LUZP2: variants seen among roughly 807,000 people sequenced by gnomAD.
The protein encoded by LUZP2 is leucine zipper protein 2.
Under a neutral mutation model 51.6 loss-of-function variants are expected in LUZP2, and 52 were observed. That is an observed-to-expected ratio of 1.01 (90% CI 0.81 to 1.27). The LOEUF (loss-of-function observed/expected upper bound fraction) is 1.27. LUZP2 is among the 50% of genes most tolerant of loss of function. LUZP2 has a pLI of 0.00. For synonymous variants in LUZP2, 154 were observed against 137.3 expected (o/e 1.12, Z -0.85); for missense variants, 436 against 395.4 (o/e 1.10, Z -0.87).
chr11:24,866,350 G>T (rs999071180), intron 5 of LUZP2, among the ~76,000 whole-genome samples: 7 of 152,022 alleles, frequency 4.6e-5, no homozygotes, highest in African/African-American at 1.7e-4. Context: ...TATCCCATCA[G>T]GGAGGAAAAC....
chr11:24,727,117 A>T (rs1385607541), intron 1 of LUZP2, among the ~76,000 whole-genome samples: 1 of 152,104 alleles, frequency 6.6e-6, no homozygotes, highest in Non-Finnish European at 1.5e-5. Context: ...GAAATGAAAC[A>T]ATGTTGTATA....
chr11:24,559,435 G>T (rs1851966888), intron 1 of LUZP2, among the ~76,000 whole-genome samples: 1 of 152,152 alleles, frequency 6.6e-6, no homozygotes, highest in Admixed American at 6.6e-5. Context: ...GATCTAGGGA[G>T]TTTTGAAAGC....
At chr11:25,062,108 A>C (rs1858856736) in intron 10 of LUZP2, among the ~76,000 whole-genome samples, 1 of 151,068 alleles carries the variant, frequency 6.6e-6, no homozygotes, top group Non-Finnish European at 1.5e-5. Context: ...AACAGAGGGA[A>C]GGGAGAAGAA....
At chr11:25,035,935 A>T (rs1482588570) in intron 9 of LUZP2, among the ~76,000 whole-genome samples, 1 of 151,926 alleles carries the variant, frequency 6.6e-6, no homozygotes, top group South Asian at 2.1e-4. Context: ...TTTTGTTGTC[A>T]TTGTGTCTTT....
At chr11:24,706,020 C>A (rs1857570577) in intron 1 of LUZP2, among the ~76,000 whole-genome samples, 1 of 151,918 alleles carries the variant, frequency 6.6e-6, no homozygotes, top group African/African-American at 2.4e-5. Context: ...TTGTAACGCC[C>A]AGGGTGAGAC....
chr11:24,879,941 C>T (rs1392366402), intron 5 of LUZP2, among the ~76,000 whole-genome samples: 2 of 152,296 alleles, frequency 1.3e-5, no homozygotes, highest in Admixed American at 6.5e-5. Context: ...GGCACAAGCA[C>T]TTTCACAGCT....
At chr11:24,627,517 C>T (rs938359277) in intron 1 of LUZP2, among the ~76,000 whole-genome samples, 3 of 152,128 alleles carry the variant, frequency 2.0e-5, no homozygotes, top group South Asian at 2.1e-4. Flanking sequence ...CTATTATAAC[C>T]GACTTTCTTT....
chr11:24,767,602 C>A (rs1860240244), intron 5 of LUZP2, among the ~76,000 whole-genome samples: 1 of 152,136 alleles, frequency 6.6e-6, no homozygotes, highest in Non-Finnish European at 1.5e-5. Context: ...CATTTATTTA[C>A]AATGGCCCAC....
chr11:24,705,633 G>A (rs960573022), intron 1 of LUZP2, among the ~76,000 whole-genome samples: 4 of 152,108 alleles, frequency 2.6e-5, no homozygotes, highest in African/African-American at 9.7e-5. Context: ...AGAAAGTTGG[G>A]GACAGAAGCT....
At position 25,050,291 on chromosome 11, in the gene LUZP2, C is replaced by CTTTTTTTTTTTTTTTT. The variant is rs71044331; in HGVS notation, c.858+174_858+189dup. Among the ~76,000 whole-genome samples the CTTTTTTTTTTTTTTTT allele has an allele frequency of 5.2e-5, 4 of 77,158 alleles. 1 individual carries two copies. Among genetic ancestry groups the CTTTTTTTTTTTTTTTT allele is most frequent in the Admixed American group, 5.1e-4 (3 of 5,932 alleles). 50.6% of individuals were successfully genotyped at this position (77,158 alleles called of 152,430 possible). A position where few individuals can be genotyped will look rare whatever the true frequency, so the allele number is the denominator to read the frequency against. ...TAAGAAAGTAAATGTTCTTTATGTT[C>CTTTTTTTTTTTTTTTT]TTTTTTTTTTTTTTTTTTTTTTTTT... is the stretch of plus-strand genomic sequence containing the variant. On this transcript the variant is annotated intron_variant, in intron 10 of 11. Transcript: ENST00000336930.
At chr11:25,077,792 G>C (rs376145958) in intron 11 of LUZP2, among the ~76,000 whole-genome samples, 1 of 152,080 alleles carries the variant, frequency 6.6e-6, no homozygotes, top group East Asian at 1.9e-4. Context: ...CACCGCGCCC[G>C]ACCAGATCCA....
At chr11:24,610,365 A>G (rs1204743488) in intron 1 of LUZP2, among the ~76,000 whole-genome samples, 1 of 152,204 alleles carries the variant, frequency 6.6e-6, no homozygotes, top group Non-Finnish European at 1.5e-5. Flanking sequence ...GCAGAAAAAA[A>G]CGGTAGGCAG....
intron 9 of LUZP2, among the ~76,000 whole-genome samples, chr11:25,014,389 C>A (rs2133963105): frequency 6.6e-6 from 1 of 152,302 alleles, no homozygotes; most frequent in Admixed American, 6.5e-5. Flanking sequence ...CTTCCTATTT[C>A]TCCACATCCT....
intron 5 of LUZP2, among the ~76,000 whole-genome samples, chr11:24,889,214 G>A (rs769320154): frequency 5.9e-5 from 9 of 152,218 alleles, no homozygotes; most frequent in Admixed American, 3.9e-4. Flanking sequence ...GTTCTTAACC[G>A]TAAGAAAGTG....
chr11:24,722,980 C>A (rs1858334177), intron 1 of LUZP2, among the ~76,000 whole-genome samples: 2 of 151,624 alleles, frequency 1.3e-5, no homozygotes, highest in African/African-American at 4.8e-5. Flanking sequence ...TATTTTAATA[C>A]TTTTAATCAT....
rs199596098 is a variant in LUZP2 at position 24,736,465 on chromosome 11, G to A, written c.252-1756G>A. ...AAGATTTGAGTGTTTGGGATAACAT[G>A]TAGGTCCTTCCTTCCTTCCTTCCTT... On this transcript the variant is annotated intron_variant, in intron 3 of 11. Transcript: ENST00000336930. Among the ~76,000 whole-genome samples the A allele has an allele frequency of 3.0e-3, 430 of 144,402 alleles. 9 individuals are homozygous for A. In the East Asian group the frequency reaches 0.044, roughly 15 times the overall value. 94.7% of individuals were successfully genotyped at this position (144,402 alleles called of 152,430 possible).
chr11:24,699,751 T>TTA lies in LUZP2; in HGVS notation c.63-29404_63-29403dup, dbSNP rs35901217. ...TGCTATATATATTTATACATATAAT[T>TTA]TATATATATATATATCTCATATATA... On this transcript the variant is annotated intron_variant, in intron 1 of 11. Coordinates refer to ENST00000336930, the MANE Select transcript of LUZP2 (RefSeq NM_001009909.4). 7.0e-3 allele frequency among the ~76,000 whole-genome samples: 1,027 copies of TTA among 147,238 alleles called. 10 individuals are homozygous for TTA. The highest frequency in any genetic ancestry group is 0.031 in the East Asian group (159 of 5,060).
chr11:24,560,703 T>C (rs1439788965), intron 1 of LUZP2, among the ~76,000 whole-genome samples: 1 of 152,064 alleles, frequency 6.6e-6, no homozygotes, highest in Non-Finnish European at 1.5e-5. Context: ...AATTAAAAGC[T>C]CTCCTATGCG....
intron 3 of LUZP2, among the ~76,000 whole-genome samples, chr11:24,735,051 C>T (rs116957691): frequency 3.7e-3 from 560 of 151,980 alleles, no homozygotes; most frequent in Non-Finnish European, 6.8e-3. Context: ...GGAACTGTAA[C>T]GTAGAGGCAA....
Sources: allele counts gnomAD v4.1 joint callset (sites outside exome capture counted in the v4.1 genomes callset), GRCh38; gene constraint gnomAD v4.1.1; transcripts MANE v1.5; gene names NCBI Gene and HGNC (gene_info 2026-07-23, HGNC 2026-07-21).